Variants in AQP1 observed in about 807,000 individuals in gnomAD.
AQP1 encodes the protein aquaporin 1 (Colton blood group), also known as aquaporin-1.
Under a neutral mutation model 19.7 loss-of-function variants are expected in AQP1, and 11 were observed. The ratio of observed to expected loss-of-function variants is 0.56; its 90% CI spans 0.35 to 0.92. The LOEUF is 0.92. Among genes scored for constraint, AQP1 ranks in the 40% least tolerant of loss-of-function variants. The pLI is 0.01. For synonymous variants in AQP1, 159 were observed against 166.7 expected (o/e 0.95, Z 0.36); for missense variants, 320 against 369.7 (o/e 0.87, Z 1.10).
intron 1 of AQP1, among the ~76,000 whole-genome samples, chr7:30,917,317 G>A (rs898125244): frequency 1.3e-5 from 2 of 152,224 alleles, no homozygotes; most frequent in Admixed American, 6.5e-5. Context: ...GACCCAAGGA[G>A]GGTTGGGCGG....
In AQP1 at chr7:30,912,194, C is replaced by T. The variant is rs746813756; in HGVS notation, c.285C>T (p.Leu95=). Residue 95 remains leucine, a synonymous_variant, in exon 1 of 4, where the codon CTC becomes CTT. Coordinates refer to ENST00000311813, the MANE Select transcript of AQP1 (RefSeq NM_198098.4). This position sits in a 1 kb window ranked among gnomAD's most constrained non-coding sequence, Gnocchi z 4.3. ...LSCQISIFRA[L]MYIIAQCVGA... ...GCCAGATCAGCATCTTCCGTGCCCT[C>T]ATGTACATCATCGCCCAGTGCGTGG... 4 of 1,612,378 alleles carry T rather than the reference C, an allele frequency of 2.5e-6. No individual in the cohort carries two copies. The highest frequency in any genetic ancestry group is 3.4e-6 in the Non-Finnish European group (4 of 1,180,032).
chr7:30,912,468 G>A lies in AQP1; in HGVS notation c.384+175G>A, dbSNP rs955807542. ...CTGGGGCTGGAACTCAGCTATGCATGCCTCCCAAAGCCTGTTTTCTGCCAG... is the reference window on the plus strand; with the variant it reads ...CTGGGGCTGGAACTCAGCTATGCATACCTCCCAAAGCCTGTTTTCTGCCAG... On this transcript the variant is annotated intron_variant, in intron 1 of 3. Transcript: ENST00000311813. The surrounding 1 kb of genome is among the most constrained non-coding windows in gnomAD (Gnocchi z 4.3). Among the ~76,000 whole-genome samples, 1 of 152,224 alleles carries A rather than the reference G, an allele frequency of 6.6e-6. No homozygotes were observed. Among genetic ancestry groups the A allele is most frequent in the Non-Finnish European group, 1.5e-5 (1 of 68,044 alleles).
Position 30,911,891 on chromosome 7 carries a change from G to C in AQP1, c.-19G>C, listed in dbSNP as rs771171933. 10 of 1,612,506 alleles carry C rather than the reference G, an allele frequency of 6.2e-6. No individual in the cohort carries two copies. The highest frequency in any genetic ancestry group is 1.7e-5 in the Admixed American group (1 of 60,012). ...AATTGAGCACCCGGCAGCGGTCTCA[G>C]GCCAAGCCCCCTGCCAGCATGGCCA... On this transcript the variant is annotated 5_prime_UTR_variant, in exon 1 of 4. Transcript: ENST00000311813.
rs1465443016 is a variant in AQP1 at position 30,922,487 on chromosome 7, A to AACCTCTCCCTCCT, written c.550-76_550-64dup. On this transcript the variant is annotated intron_variant, in intron 2 of 3. Coordinates refer to ENST00000311813, the MANE Select transcript of AQP1 (RefSeq NM_198098.4). ...CCCTGATTGTTCTCTTTCTCCCTCC[A>AACCTCTCCCTCCT]ACCTCTCCCTCCTCTCACTCTCTCT... 1.2e-5 allele frequency: 18 copies of AACCTCTCCCTCCT among 1,449,918 alleles called. No individual in the cohort carries two copies. In the African/African-American group the frequency reaches 2.4e-4, roughly 19 times the overall value. 89.8% of individuals were successfully genotyped at this position (1,449,918 alleles called of 1,614,324 possible).
intron 1 of AQP1, chr7:30,921,375 G>A (rs1249683062): frequency 5.0e-6 from 7 of 1,398,378 alleles, no homozygotes; most frequent in Non-Finnish European, 6.5e-6. Context: ...GGAGGGTGAG[G>A]CTGAGGCCAG....
At chr7:30,917,252 A>T (rs921355843) in intron 1 of AQP1, among the ~76,000 whole-genome samples, 1 of 152,214 alleles carries the variant, frequency 6.6e-6, no homozygotes, top group African/African-American at 2.4e-5. Flanking sequence ...GAGGACACAC[A>T]CACATGGTAC....
At chr7:30,921,320 G>A in intron 1 of AQP1, 3 of 1,350,526 alleles carry the variant, frequency 2.2e-6, no homozygotes, top group Non-Finnish European at 2.8e-6. Context: ...CCAGGAGTAA[G>A]TGGCAGCCAG....
At position 30,922,092 on chromosome 7, in the gene AQP1, G is replaced by A. The variant is rs770279953; in HGVS notation, c.411G>A (p.Gln137=). ...TGGCTGATGGTGTGAACTCGGGCCA[G>A]GGCCTGGGCATCGAGATCATCGGGA... ...NDLADGVNSG[Q]GLGIEIIGTL... Residue 137 remains glutamine, a synonymous_variant, in exon 2 of 4, where the codon CAG becomes CAA. Transcript: ENST00000311813. 7 of 1,614,082 alleles carry A rather than the reference G, an allele frequency of 4.3e-6. No individual in the cohort carries two copies. Among genetic ancestry groups the A allele is most frequent in the South Asian group, 1.1e-5 (1 of 91,090 alleles).
chr7:30,919,013 A>G (rs931591457), intron 1 of AQP1, among the ~76,000 whole-genome samples: 1 of 152,200 alleles, frequency 6.6e-6, no homozygotes, highest in Non-Finnish European at 1.5e-5. Context: ...CCAGAGGCTA[A>G]TGATTGGCCC....
intron 1 of AQP1, among the ~76,000 whole-genome samples, chr7:30,918,479 T>C (rs1479815617): frequency 6.6e-6 from 1 of 152,114 alleles, no homozygotes; most frequent in African/African-American, 2.4e-5. Context: ...TGAACACCCA[T>C]GGAGGAGTGA....
chr7:30,916,240 CT>C (rs1791347848), intron 1 of AQP1, among the ~76,000 whole-genome samples: 2 of 152,230 alleles, frequency 1.3e-5, no homozygotes, highest in South Asian at 4.1e-4. Context: ...CTGCTCACCA[CT>C]CCCAGGCCAC....
chr7:30,916,788 ATAT>A (rs1355501500), intron 1 of AQP1, among the ~76,000 whole-genome samples: 1 of 152,104 alleles, frequency 6.6e-6, no homozygotes, highest in Non-Finnish European at 1.5e-5. Context: ...GTTGTTGTTG[ATAT>A]TGTTGTTGAC....
rs764764878 is a variant in AQP1 at position 30,922,153 on chromosome 7, G to A, written c.472G>A (p.Asp158Asn). 1.3e-5 allele frequency: 21 copies of A among 1,613,698 alleles called. 1 individual carries two copies. Among genetic ancestry groups the A allele is most frequent in the South Asian group, 2.2e-5 (2 of 91,070 alleles). ...QLVLCVLATT[D>N]RRRRDLGGSA... ...GGTGCTATGCGTGCTGGCTACTACC[G>A]ACCGGAGGCGCCGTGACCTTGGTGG... The change falls in exon 2 of 4, where the codon GAC (aspartate) becomes AAC (asparagine). Residue 158 changes from aspartate (D) to asparagine (N), a missense_variant. Physicochemically the swap from Asp to Asn is conservative, Grantham distance 23 (BLOSUM62 1). Coordinates refer to ENST00000311813, the MANE Select transcript of AQP1 (RefSeq NM_198098.4).
At chr7:30,922,786 G>A (rs963098570) in intron 3 of AQP1, 142 bp downstream of exon 3, 19 of 853,828 alleles carry the variant, frequency 2.2e-5, no homozygotes, top group Non-Finnish European at 3.5e-5. Flanking sequence ...GGCCTGCCAT[G>A]TAGAGGCAGG....
At position 30,923,756 on chromosome 7, in the gene AQP1, G is replaced by C. The variant is rs921791755; in HGVS notation, c.*127G>C. ...AAAGTCACTTCCCCAAGATCTGCCA[G>C]ACCTGCATGGTCAAGCCTCTTATGG... is the stretch of plus-strand genomic sequence containing the variant. On this transcript the variant is annotated 3_prime_UTR_variant, in exon 4 of 4. Transcript: ENST00000311813. This position sits in a 1 kb window ranked among gnomAD's most constrained non-coding sequence, Gnocchi z 4.8. 8.6e-6 allele frequency: 13 copies of C among 1,505,034 alleles called. No homozygotes were observed. Among genetic ancestry groups the C allele is most frequent in the Admixed American group, 2.1e-5 (1 of 48,084 alleles). The allele number at this position is 1,505,034 out of a possible 1,614,324, so 93.2% of individuals were successfully genotyped here.
Position 30,923,334 on chromosome 7 carries a change from T to A in AQP1, c.631-116T>A, listed in dbSNP as rs891254729. 3.1e-5 allele frequency: 48 copies of A among 1,559,010 alleles called. No homozygotes were observed. Among genetic ancestry groups the A allele is most frequent in the Non-Finnish European group, 4.2e-5 (48 of 1,151,788 alleles). ...TTAGGATTTGGCTCTCCTACCTGCC[T>A]CCATCCCAGGTGGGAAAAACCTGTC... is the stretch of plus-strand genomic sequence containing the variant. On this transcript the variant is annotated intron_variant, in intron 3 of 3. Coordinates refer to ENST00000311813, the MANE Select transcript of AQP1 (RefSeq NM_198098.4). This position sits in a 1 kb window ranked among gnomAD's most constrained non-coding sequence, Gnocchi z 4.8.
chr7:30,920,839 G>A (rs950531681), intron 1 of AQP1, among the ~76,000 whole-genome samples: 2 of 152,234 alleles, frequency 1.3e-5, no homozygotes. Context: ...TGCAAGGCAG[G>A]GGAGGGGATG....
At position 30,924,052 on chromosome 7, in the gene AQP1, A is replaced by T; in HGVS notation, c.*423A>T. On this transcript the variant is annotated 3_prime_UTR_variant, in exon 4 of 4. Coordinates refer to ENST00000311813, the MANE Select transcript of AQP1 (RefSeq NM_198098.4). ...GCACGGCCCTCCTTCTTTTCCTAAC[A>T]TGCACCTTGCTCCCAATGGTGCTTG... 1 of 1,262,136 alleles carries T rather than the reference A, an allele frequency of 7.9e-7. No individual in the cohort carries two copies. Among genetic ancestry groups the T allele is most frequent in the Non-Finnish European group, 1.0e-6 (1 of 974,882 alleles). The allele number at this position is 1,262,136 out of a possible 1,614,324, so 78.2% of individuals were successfully genotyped here. A position where few individuals can be genotyped will look rare whatever the true frequency, so the allele number is the denominator to read the frequency against.
intron 2 of AQP1, 40 bp downstream of exon 2, chr7:30,922,270 A>C: frequency 3.2e-6 from 3 of 923,510 alleles, no homozygotes; most frequent in Non-Finnish European, 4.7e-6. Flanking sequence ...GGGGGAAGGG[A>C]GGGCGGGGGC....
Sources: allele counts gnomAD v4.1 joint callset (sites outside exome capture counted in the v4.1 genomes callset), GRCh38; gene constraint gnomAD v4.1.1; non-coding constraint Gnocchi (gnomAD v3.1); transcripts MANE v1.5; gene names NCBI Gene and HGNC (gene_info 2026-07-23, HGNC 2026-07-21).